The following DNAH11 variants were observed in gnomAD, a reference collection of about 807,000 sequenced individuals.
DNAH11 encodes the protein dynein axonemal heavy chain 11, also known as axonemal beta dynein heavy chain 11.
Under a neutral mutation model 526.0 loss-of-function variants are expected in DNAH11, and 442 were observed. The observed-to-expected ratio is 0.84, with a 90% CI of 0.78 to 0.91. The LOEUF (loss-of-function observed/expected upper bound fraction) is 0.91. Among genes scored for constraint, DNAH11 ranks in the 40% least tolerant of loss-of-function variants. The pLI is 0.00. For missense variants in DNAH11, 6,989 were observed against 5,448.7 expected, an observed-to-expected ratio of 1.28 and a Z score of -8.90; for synonymous variants, 2,461 against 1,935.9, an observed-to-expected ratio of 1.27 and a Z score of -7.12.
At chr7:21,823,351 T>G (rs560415136) in intron 65 of DNAH11, among the ~76,000 whole-genome samples, 23 of 152,292 alleles carry the variant, frequency 1.5e-4, no homozygotes, top group African/African-American at 5.5e-4. Context: ...ACCTGCAGTT[T>G]CCTATAACAT....
chr7:21,765,312 G>C, intron 54 of DNAH11, 116 bp from the exon 55 acceptor site: 1 of 1,447,184 alleles, frequency 6.9e-7, no homozygotes, highest in Non-Finnish European at 9.5e-7. Flanking sequence ...TAGGGCTTTA[G>C]GGTAGTTTAA....
chr7:21,735,719 T>C lies in DNAH11; in HGVS notation c.7520T>C (p.Met2507Thr). 1 of 1,613,946 alleles carries C rather than the reference T, an allele frequency of 6.2e-7. No individual in the cohort carries two copies. The highest frequency in any genetic ancestry group is 2.2e-5 in the East Asian group (1 of 44,866). ...TTGCTTGAGAAAGGAAAACCTCTAA[T>C]GCTAGTAGGAAATGCAGGAGTGGGA... is the stretch of plus-strand genomic sequence containing the variant. ...ELLLEKGKPL[M>T]LVGNAGVGKT... is the part of the protein sequence containing the mutation. Residue 2507 changes from methionine to threonine, a missense_variant, in exon 46 of 82, where the codon ATG becomes ACG. Coordinates refer to ENST00000409508, the MANE Select transcript of DNAH11 (RefSeq NM_001277115.2).
chr7:21,564,096 T>C, intron 5 of DNAH11, 90 bp from the exon 6 acceptor site: 1 of 923,198 alleles, frequency 1.1e-6, no homozygotes, highest in Non-Finnish European at 1.6e-6. Context: ...GCCATGTTGT[T>C]TTACGTGGCT....
Position 21,866,633 on chromosome 7 carries a change from T to C in DNAH11, c.11660T>C (p.Met3887Thr). 6.2e-7 allele frequency: 1 copy of C among 1,613,656 alleles called. No homozygotes were observed. Among genetic ancestry groups the C allele is most frequent in the Non-Finnish European group, 8.5e-7 (1 of 1,179,712 alleles). The change falls in exon 71 of 82, where the codon ATG becomes ACG. Residue 3887 changes from methionine (M) to threonine (T), a missense_variant. Physicochemically the swap from Met to Thr is moderately conservative, Grantham distance 81. Coordinates refer to ENST00000409508, the MANE Select transcript of DNAH11 (RefSeq NM_001277115.2). Reference protein sequence around the residue: ...LIQKLILLRAMRPDRMTYALR... With the variant: ...LIQKLILLRATRPDRMTYALR... Reference sequence around the variant, plus strand: ...CAGAAGCTGATTCTTCTGAGAGCAATGCGCCCTGACAGAATGACGTATGCT... The same window carrying C: ...CAGAAGCTGATTCTTCTGAGAGCAACGCGCCCTGACAGAATGACGTATGCT...
chr7:21,799,882 C>T (rs958314972), intron 61 of DNAH11, among the ~76,000 whole-genome samples: 7 of 152,128 alleles, frequency 4.6e-5, no homozygotes, highest in African/African-American at 1.7e-4. Context: ...ACTTTGCATG[C>T]ATCTACAAAA....
At chr7:21,639,605 T>A (rs1787027624) in intron 28 of DNAH11, among the ~76,000 whole-genome samples, 1 of 152,222 alleles carries the variant, frequency 6.6e-6, no homozygotes, top group African/African-American at 2.4e-5. Context: ...GATTCCCATG[T>A]CAATATTTAA....
At chr7:21,733,194 C>G (rs7805983) in intron 45 of DNAH11, among the ~76,000 whole-genome samples, 88,153 of 152,122 alleles carry the variant, frequency 0.58, 28,313 homozygotes, top group Non-Finnish European at 0.73. Flanking sequence ...CAAGACCAGC[C>G]TAGCCAACAT....
intron 71 of DNAH11, among the ~76,000 whole-genome samples, chr7:21,867,487 A>C (rs1783324779): frequency 6.6e-6 from 1 of 152,214 alleles, no homozygotes; most frequent in Non-Finnish European, 1.5e-5. Flanking sequence ...TATTCATGAG[A>C]AGCCCAGCAG....
At chr7:21,783,650 G>T (rs376561474) in intron 57 of DNAH11, among the ~76,000 whole-genome samples, 1 of 77,300 alleles carries the variant, frequency 1.3e-5, no homozygotes, top group African/African-American at 5.2e-5. Context: ...TCCCACCCCC[G>T]CCCTGTCTTC....
chr7:21,640,248 C>G (rs187695563), intron 28 of DNAH11, among the ~76,000 whole-genome samples: 1 of 152,258 alleles, frequency 6.6e-6, no homozygotes, highest in Admixed American at 6.5e-5. Flanking sequence ...TATTAGCACA[C>G]AATTGGATGC....
chr7:21,592,477 T>C (rs1347516154), intron 14 of DNAH11, among the ~76,000 whole-genome samples: 1 of 151,708 alleles, frequency 6.6e-6, no homozygotes, highest in Non-Finnish European at 1.5e-5. Flanking sequence ...TAGTAGAGGG[T>C]GAGGTAGAAG....
chr7:21,894,833 C>G, intron 78 of DNAH11, 28 bp downstream of exon 78: 1 of 1,611,462 alleles, frequency 6.2e-7, no homozygotes. Flanking sequence ...CTATAGTAGA[C>G]TTCAGCACAT....
chr7:21,870,077 C>G (rs1030844740), intron 73 of DNAH11, among the ~76,000 whole-genome samples: 2 of 152,158 alleles, frequency 1.3e-5, no homozygotes, highest in African/African-American at 4.8e-5. Flanking sequence ...AACAAAGCTC[C>G]TAGGTTAGGA....
chr7:21,680,714 G>A (rs1376940489), intron 30 of DNAH11, among the ~76,000 whole-genome samples: 2 of 152,068 alleles, frequency 1.3e-5, no homozygotes, highest in South Asian at 4.1e-4. Flanking sequence ...ATTTATCTAC[G>A]AGTTCGACGG....
At chr7:21,814,531 A>G (rs1329043677) in intron 63 of DNAH11, among the ~76,000 whole-genome samples, 2 of 88,190 alleles carry the variant, frequency 2.3e-5, no homozygotes, top group African/African-American at 9.1e-5. Flanking sequence ...CCACCCCACC[A>G]CAGGCCCCAG....
intron 21 of DNAH11, 54 bp downstream of exon 21, chr7:21,615,326 G>C: frequency 6.3e-7 from 1 of 1,582,854 alleles, no homozygotes; most frequent in Non-Finnish European, 8.6e-7. Flanking sequence ...TTTTACATAT[G>C]CAGTTTGTGG....
rs768131370 is a variant in DNAH11 at position 21,589,327 on chromosome 7, G to A, written c.2093G>A (p.Cys698Tyr). 3.1e-6 allele frequency: 5 copies of A among 1,610,052 alleles called. No homozygotes were observed. In the South Asian group the frequency reaches 5.5e-5, roughly 18 times the overall value. ...NEWKSNVDEI[C>Y]EFNLNQPLVK... is the part of the protein sequence containing the mutation. The stretch of plus-strand genomic sequence containing the variant: ...TGGAAAAGTAATGTGGATGAAATCT[G>A]TGAATTCAATTTGAATCAACCCTTG... The change falls in exon 12 of 82, where the codon TGT (cysteine) becomes TAT (tyrosine). Residue 698 changes from cysteine (C) to tyrosine (Y), a missense_variant. Physicochemically the swap from Cys to Tyr is radical, Grantham distance 194. Coordinates refer to ENST00000409508, the MANE Select transcript of DNAH11 (RefSeq NM_001277115.2).
intron 56 of DNAH11, 40 bp from the exon 57 acceptor site, chr7:21,778,918 A>C: frequency 6.2e-7 from 1 of 1,601,014 alleles, no homozygotes; most frequent in Non-Finnish European, 8.5e-7. Flanking sequence ...ATTTGTTGTG[A>C]ACAAGGCCAG....
At chr7:21,738,240 C>T (rs1785703634) in intron 46 of DNAH11, among the ~76,000 whole-genome samples, 1 of 152,184 alleles carries the variant, frequency 6.6e-6, no homozygotes, top group Non-Finnish European at 1.5e-5. Flanking sequence ...ACACACTGTT[C>T]TTGTGCCTCT....
Sources: allele counts gnomAD v4.1 joint callset (sites outside exome capture counted in the v4.1 genomes callset), GRCh38; gene constraint gnomAD v4.1.1; transcripts MANE v1.5; gene names NCBI Gene and HGNC (gene_info 2026-07-23, HGNC 2026-07-21).